PHYHIPL: variants seen among roughly 807,000 people sequenced by gnomAD.
The protein encoded by PHYHIPL is phytanoyl-CoA 2-hydroxylase interacting protein like, also known as phytanoyl-CoA hydroxylase-interacting protein-like.
In PHYHIPL, 9 loss-of-function variants were observed where a neutral mutation model predicts 33.4. The ratio of observed to expected loss-of-function variants is 0.27; its 90% confidence interval spans 0.16 to 0.47. The LOEUF is 0.47. Among genes scored for constraint, PHYHIPL ranks in the 20% least tolerant of loss-of-function variants. PHYHIPL has a pLI of 0.99. For missense variants in PHYHIPL, 365 were observed against 460.7 expected (o/e 0.79, Z 1.90); for synonymous variants, 153 against 154.1 (o/e 0.99, Z 0.05).
chr10:59,227,975 G>GATATATATATAT lies in PHYHIPL; in HGVS notation c.107-6328_107-6317dup, dbSNP rs1554799094. Among the ~76,000 whole-genome samples, 40 of 145,562 alleles carry GATATATATATAT rather than the reference G, an allele frequency of 2.7e-4. 1 individual carries two copies. The highest frequency in any genetic ancestry group is 1.0e-3 in the African/African-American group (38 of 37,648). Reference sequence around the variant, plus strand: ...TAAGATTTTAATTTTTGCCTATTGAGATATATATATATGTTTTAAATAACA... The same window carrying GATATATATATAT: ...TAAGATTTTAATTTTTGCCTATTGAGATATATATATATATATATATATATGTTTTAAATAACA... On this transcript the variant is annotated intron_variant, in intron 1 of 4. Coordinates refer to ENST00000373880, the MANE Select transcript of PHYHIPL (RefSeq NM_032439.4).
intron 1 of PHYHIPL, among the ~76,000 whole-genome samples, chr10:59,209,572 A>G (rs1839387883): frequency 6.6e-6 from 1 of 152,228 alleles, no homozygotes; most frequent in Non-Finnish European, 1.5e-5. Flanking sequence ...AAATTCACAC[A>G]TAACAATATT....
chr10:59,184,758 A>G (rs1432571744), intron 1 of PHYHIPL, among the ~76,000 whole-genome samples: 2 of 151,716 alleles, frequency 1.3e-5, no homozygotes, highest in Non-Finnish European at 2.9e-5. Context: ...TTAACTCGTC[A>G]TTTAGCATTA....
chr10:59,214,314 A>G (rs77699328), intron 1 of PHYHIPL, among the ~76,000 whole-genome samples: 1 of 1,028 alleles, frequency 9.7e-4, no homozygotes, highest in African/African-American at 1.0e-3. Context: ...ATTAAAGCAC[A>G]AAAAAAAGAT....
At chr10:59,210,234 A>G (rs1839405095) in intron 1 of PHYHIPL, among the ~76,000 whole-genome samples, 1 of 152,180 alleles carries the variant, frequency 6.6e-6, no homozygotes, top group Non-Finnish European at 1.5e-5. Flanking sequence ...AATTTACAAG[A>G]AAAAAACAAC....
chr10:59,190,054 T>C (rs1326577902), intron 1 of PHYHIPL, among the ~76,000 whole-genome samples: 3 of 152,142 alleles, frequency 2.0e-5, no homozygotes, highest in Middle Eastern at 6.8e-3. Context: ...TTATATAACA[T>C]TGTGTAATAA....
At chr10:59,239,532 C>CT (rs1237105633) in intron 4 of PHYHIPL, among the ~76,000 whole-genome samples, 2 of 151,976 alleles carry the variant, frequency 1.3e-5, no homozygotes, top group African/African-American at 4.8e-5. Context: ...AACATATCAG[C>CT]TGTTATCTTG....
intron 1 of PHYHIPL, among the ~76,000 whole-genome samples, chr10:59,196,153 A>C (rs914468438): frequency 6.6e-6 from 1 of 152,116 alleles, no homozygotes; most frequent in African/African-American, 2.4e-5. Context: ...CAAAGTATCT[A>C]AATAAACTGA....
chr10:59,218,436 A>G (rs1195855318), intron 1 of PHYHIPL, among the ~76,000 whole-genome samples: 4 of 152,138 alleles, frequency 2.6e-5, no homozygotes, highest in Non-Finnish European at 5.9e-5. Flanking sequence ...AGTGGGAGAG[A>G]TATTTGATCC....
At chr10:59,201,213 C>T (rs1481983861) in intron 1 of PHYHIPL, among the ~76,000 whole-genome samples, 2 of 152,196 alleles carry the variant, frequency 1.3e-5, no homozygotes, top group Non-Finnish European at 2.9e-5. Flanking sequence ...AAATTTCCCT[C>T]TACACAATGC....
chr10:59,243,290 C>A (rs563692752), intron 4 of PHYHIPL, among the ~76,000 whole-genome samples: 11 of 152,134 alleles, frequency 7.2e-5, no homozygotes, highest in Non-Finnish European at 1.5e-4. Context: ...ATCCTATATC[C>A]GGTGAAAATA....
upstream of PHYHIPL, chr10:59,176,628 C>G: frequency 2.4e-6 from 1 of 420,470 alleles, no homozygotes; most frequent in Admixed American, 4.6e-5. Flanking sequence ...CGCGCCGGGT[C>G]CTGCTCGGTC....
chr10:59,241,103 AT>A (rs2133299237), intron 4 of PHYHIPL, among the ~76,000 whole-genome samples: 1 of 152,228 alleles, frequency 6.6e-6, no homozygotes, highest in Non-Finnish European at 1.5e-5. Flanking sequence ...GAGTGGTATA[AT>A]TTTTCAACAT....
intron 1 of PHYHIPL, among the ~76,000 whole-genome samples, chr10:59,223,969 T>G (rs1246789705): frequency 6.6e-6 from 1 of 152,126 alleles, no homozygotes; most frequent in African/African-American, 2.4e-5. Context: ...CCAATTGCCC[T>G]TTTTTATAGA....
chr10:59,186,497 G>A (rs1838608691), intron 1 of PHYHIPL, among the ~76,000 whole-genome samples: 2 of 152,110 alleles, frequency 1.3e-5, no homozygotes, highest in South Asian at 4.1e-4. Flanking sequence ...TTCCAATTCT[G>A]TGAAGAAAGT....
intron 4 of PHYHIPL, among the ~76,000 whole-genome samples, chr10:59,241,080 T>C: frequency 6.6e-6 from 1 of 152,124 alleles, no homozygotes; most frequent in East Asian, 1.9e-4. Flanking sequence ...TATAAATAAA[T>C]ATACTTTCCA....
chr10:59,204,452 T>G (rs552402632), intron 1 of PHYHIPL, among the ~76,000 whole-genome samples: 1 of 152,318 alleles, frequency 6.6e-6, no homozygotes, highest in East Asian at 1.9e-4. Flanking sequence ...TTGTGGGAGC[T>G]TTAAATTTCT....
At chr10:59,183,695 C>G in intron 1 of PHYHIPL, 1 of 984,332 alleles carries the variant, frequency 1.0e-6, no homozygotes, top group Non-Finnish European at 1.2e-6. Context: ...CCAAGAACGT[C>G]ATACTTGGAA....
At chr10:59,240,331 G>A (rs993135597) in intron 4 of PHYHIPL, among the ~76,000 whole-genome samples, 1 of 151,908 alleles carries the variant, frequency 6.6e-6, no homozygotes, top group Non-Finnish European at 1.5e-5. Flanking sequence ...GACTTGCAAT[G>A]GGGTTATGTC....
chr10:59,187,627 T>A (rs1035419790), intron 1 of PHYHIPL, among the ~76,000 whole-genome samples: 3 of 152,190 alleles, frequency 2.0e-5, no homozygotes, highest in South Asian at 2.1e-4. Context: ...CTATTAATTA[T>A]TGCCTCAATT....
Sources: gnomAD v4.1 joint callset for allele counts (sites outside exome capture counted in the v4.1 genomes callset) on GRCh38, gnomAD v4.1.1 for gene constraint, MANE v1.5 for transcripts, NCBI Gene and HGNC (gene_info 2026-07-23, HGNC 2026-07-21) for gene names.